Variants in SFXN5 observed in about 807,000 individuals in gnomAD.
SFXN5 encodes the protein sideroflexin-5.
Under a neutral mutation model 50.2 loss-of-function variants are expected in SFXN5, and 43 were observed. That is an observed-to-expected ratio of 0.86 (90% CI 0.67 to 1.11). The LOEUF is 1.11. SFXN5 is among the 50% of genes least tolerant of loss of function. The pLI is 0.00. For synonymous variants in SFXN5, 203 were observed against 185.8 expected (o/e 1.09, Z -0.75); for missense variants, 463 against 454.1 (o/e 1.02, Z -0.18).
rs970140188 is a variant in SFXN5, at chr2:72,943,027, T to G, written c.*1995A>C. 6.6e-6 allele frequency: 1 copy of G among 152,278 alleles called. No homozygotes were observed. The highest frequency in any genetic ancestry group is 2.4e-5 in the African/African-American group (1 of 41,438). 9.4% of individuals were successfully genotyped at this position (152,278 alleles called of 1,614,324 possible). A position where few individuals can be genotyped will look rare whatever the true frequency, so the allele number is the denominator to read the frequency against. On this transcript the variant is annotated 3_prime_UTR_variant, in exon 14 of 14. Transcript: ENST00000272433. ...CACAGCGCAGCAGTCACTGGCATAT[T>G]CACATTATGGTGGGATTGGCTCAAA...
At chr2:73,041,051 G>T in intron 2 of SFXN5, 120 bp from the exon 3 acceptor site, 1 of 643,262 alleles carries the variant, frequency 1.6e-6, no homozygotes, top group Non-Finnish European at 2.6e-6. Context: ...CCTGCCCTCA[G>T]TTCATGGGAC....
chr2:73,047,251 T>TATATATATATACACAC lies in SFXN5; in HGVS notation c.172-6321_172-6320insGTGTGTATATATATAT, dbSNP rs1680528624. ...AAAAAAAAAAAAAAAAAAAAATATA[T>TATATATATATACACAC]ATATATATATATATATATATATATA... On this transcript the variant is annotated intron_variant, in intron 2 of 13. Coordinates refer to ENST00000272433, the MANE Select transcript of SFXN5 (RefSeq NM_144579.3). 1.1e-4 allele frequency among the ~76,000 whole-genome samples: 3 copies of TATATATATATACACAC among 27,588 alleles called. 1 individual carries two copies. The highest frequency in any genetic ancestry group is 2.4e-4 in the Non-Finnish European group (3 of 12,700). The allele number at this position is 27,588 out of a possible 152,430, so 18.1% of individuals were successfully genotyped here.
intron 2 of SFXN5, among the ~76,000 whole-genome samples, chr2:73,057,191 T>C (rs1213207528): frequency 2.0e-5 from 3 of 152,070 alleles, no homozygotes; most frequent in Non-Finnish European, 4.4e-5. Flanking sequence ...CAGGCTGGAG[T>C]GCAGTGGTAC....
At position 73,061,435 on chromosome 2, in the gene SFXN5, T is replaced by C. The variant is rs374806509; in HGVS notation, c.103-2839A>G. 2.4e-4 allele frequency among the ~76,000 whole-genome samples: 36 copies of C among 152,220 alleles called. 1 individual carries two copies. The South Asian group carries it at 7.3e-3, about 31-fold the overall frequency. On this transcript the variant is annotated intron_variant, in intron 1 of 13. Transcript: ENST00000272433. Reference sequence around the variant, plus strand: ...AGGGCAGCCATAAAACCTGGAAATGTAGATACTATAATTGAATGCAGATTG... The same window carrying C: ...AGGGCAGCCATAAAACCTGGAAATGCAGATACTATAATTGAATGCAGATTG...
chr2:73,042,023 C>T (rs537317920), intron 2 of SFXN5, among the ~76,000 whole-genome samples: 1 of 152,190 alleles, frequency 6.6e-6, no homozygotes, highest in East Asian at 1.9e-4. Context: ...TTAAGTAGCA[C>T]TTATATATTT....
chr2:73,029,560 G>C (rs888490263), intron 3 of SFXN5, among the ~76,000 whole-genome samples: 6 of 152,124 alleles, frequency 3.9e-5, no homozygotes, highest in Non-Finnish European at 8.8e-5. Context: ...AAGTGACTAA[G>C]CCAGGGCCCC....
chr2:72,968,386 T>A, intron 12 of SFXN5, 62 bp downstream of exon 12: 1 of 1,505,928 alleles, frequency 6.6e-7, no homozygotes, highest in Non-Finnish European at 9.1e-7. Context: ...GCCAGCCGGT[T>A]CCCCCTCCCT....
chr2:73,036,532 T>C lies in SFXN5; in HGVS notation c.249+4322A>G, dbSNP rs1482979892. Among the ~76,000 whole-genome samples the C allele has an allele frequency of 4.6e-5, 7 of 152,278 alleles. No individual in the cohort carries two copies. In the East Asian group the frequency reaches 1.2e-3, roughly 25 times the overall value. The stretch of plus-strand genomic sequence containing the variant: ...CCAGTTCCCCTCCTCCTCAGCTCCC[T>C]TGAGGCACATGGGGGCTTTCAGGAC... On this transcript the variant is annotated intron_variant, in intron 3 of 13. Transcript: ENST00000272433.
chr2:73,062,245 TG>T, intron 1 of SFXN5, among the ~76,000 whole-genome samples: 1 of 152,182 alleles, frequency 6.6e-6, no homozygotes, highest in Non-Finnish European at 1.5e-5. Flanking sequence ...CTTACATATC[TG>T]GAAGGAAGGG....
rs1671542894 is a variant in SFXN5, at chr2:72,942,585, G to C, written c.*2437C>G. 1 of 152,372 alleles carries C rather than the reference G, an allele frequency of 6.6e-6. No individual in the cohort carries two copies. Among genetic ancestry groups the C allele is most frequent in the South Asian group, 2.1e-4 (1 of 4,836 alleles). 9.4% of individuals were successfully genotyped at this position (152,372 alleles called of 1,614,324 possible). A position where few individuals can be genotyped will look rare whatever the true frequency, so the allele number is the denominator to read the frequency against. Reference sequence around the variant, plus strand: ...TCCCTTCCTCTGGCCTCAGCAGAGTGGGGCATGGGTGCTGGGTGAAGGTTT... The same window carrying C: ...TCCCTTCCTCTGGCCTCAGCAGAGTCGGGCATGGGTGCTGGGTGAAGGTTT... On this transcript the variant is annotated 3_prime_UTR_variant, in exon 14 of 14. Transcript: ENST00000272433.
intron 1 of SFXN5, among the ~76,000 whole-genome samples, chr2:73,063,256 T>G (rs1682947891): frequency 6.6e-6 from 1 of 152,166 alleles, no homozygotes. Context: ...AAATGTCAGG[T>G]ACAGATTGCC....
At position 73,071,688 on chromosome 2, in the gene SFXN5, A is replaced by T; in HGVS notation, c.18T>A (p.Thr6=). The change falls in exon 1 of 14, where the codon ACT becomes ACA. Residue 6 remains threonine, a synonymous_variant. Coordinates refer to ENST00000272433, the MANE Select transcript of SFXN5 (RefSeq NM_144579.3). MADTA[T]TASAAAASAA... ...CACTAGCCGCCGCCGCCGATGCTGT[A>T]GTCGCTGTATCCGCCATGGCCACTG... 6.2e-7 allele frequency: 1 copy of T among 1,613,150 alleles called. No homozygotes were observed. Among genetic ancestry groups the T allele is most frequent in the Non-Finnish European group, 8.5e-7 (1 of 1,179,868 alleles).
intron 1 of SFXN5, among the ~76,000 whole-genome samples, chr2:73,069,885 C>G (rs1683450404): frequency 1.3e-5 from 2 of 152,132 alleles, no homozygotes; most frequent in African/African-American, 4.8e-5. Flanking sequence ...TAACCTGTCT[C>G]CATCAGGGTA....
chr2:73,019,907 TG>T, intron 6 of SFXN5: 1 of 233,814 alleles, frequency 4.3e-6, no homozygotes, highest in South Asian at 1.1e-4. Context: ...TCAGAAGGCA[TG>T]CTTCTACTCC....
chr2:72,998,771 C>G, intron 9 of SFXN5, 178 bp downstream of exon 9: 2 of 638,562 alleles, frequency 3.1e-6, no homozygotes. Flanking sequence ...CCAGGTTGTG[C>G]TCTGTCTACT....
chr2:72,971,812 G>T, intron 10 of SFXN5, 127 bp from the exon 11 acceptor site: 1 of 671,646 alleles, frequency 1.5e-6, no homozygotes, highest in Non-Finnish European at 2.6e-6. Context: ...GCAAAGGTTA[G>T]GGAAGGGGTG....
At chr2:73,044,840 C>T (rs1405847223) in intron 2 of SFXN5, among the ~76,000 whole-genome samples, 2 of 152,184 alleles carry the variant, frequency 1.3e-5, no homozygotes, top group Admixed American at 1.3e-4. Flanking sequence ...TCTGGAGGGG[C>T]CTGCACCCAG....
At chr2:73,022,411 T>G in intron 5 of SFXN5, 111 bp downstream of exon 5, 1 of 808,852 alleles carries the variant, frequency 1.2e-6, no homozygotes, top group Non-Finnish European at 2.2e-6. Flanking sequence ...ATGGCCATGA[T>G]TGTAACAGGC....
chr2:73,057,308 T>C (rs1188376158), intron 2 of SFXN5, among the ~76,000 whole-genome samples: 1 of 152,086 alleles, frequency 6.6e-6, no homozygotes, highest in Non-Finnish European at 1.5e-5. Flanking sequence ...TCGGATAATT[T>C]TTTAAAATTT....
Sources: gnomAD v4.1 joint callset for allele counts (sites outside exome capture counted in the v4.1 genomes callset) on GRCh38, gnomAD v4.1.1 for gene constraint, MANE v1.5 for transcripts, NCBI Gene and HGNC (gene_info 2026-07-23, HGNC 2026-07-21) for gene names.